Variants in OXR1 observed in about 807,000 individuals in gnomAD.
OXR1 encodes the protein oxidation resistance 1.
OXR1 carries 41 observed loss-of-function variants against 104.6 expected under a neutral mutation model. The ratio of observed to expected loss-of-function variants is 0.39; its 90% CI spans 0.31 to 0.51. OXR1 has a LOEUF of 0.51. Ranked by LOEUF, OXR1 falls within the 20% of genes least tolerant of loss-of-function variation. OXR1 has a pLI of 0.77. For missense variants in OXR1, 955 were observed against 1,031.9 expected (o/e 0.93, Z 1.02); for synonymous variants, 348 against 348.4 (o/e 1.00, Z 0.01).
chr8:106,519,545 C>T (rs1000144066), intron 3 of OXR1, among the ~76,000 whole-genome samples: 39 of 152,150 alleles, frequency 2.6e-4, no homozygotes, highest in Admixed American at 4.6e-4. Context: ...TCCCAGGTCT[C>T]TGAACCTGTT....
At chr8:106,421,980 G>A (rs1818924842) in intron 2 of OXR1, among the ~76,000 whole-genome samples, 2 of 152,108 alleles carry the variant, frequency 1.3e-5, no homozygotes, top group Non-Finnish European at 1.5e-5. Context: ...GGCTAGAGAA[G>A]TTGCATCTTT....
chr8:106,619,928 T>A (rs1248850019), intron 3 of OXR1, among the ~76,000 whole-genome samples: 1 of 152,124 alleles, frequency 6.6e-6, no homozygotes, highest in Non-Finnish European at 1.5e-5. Context: ...TGCTTCTGCC[T>A]CTGTATTCCT....
intron 14 of OXR1, 32 bp downstream of exon 14, chr8:106,740,527 C>A (rs1214195187): frequency 1.9e-6 from 3 of 1,554,414 alleles, no homozygotes; most frequent in Non-Finnish European, 2.6e-6. Context: ...GATTGCTTAT[C>A]CTTTAAGAGC....
At chr8:106,298,840 C>T (rs1157931299) in intron 1 of OXR1, among the ~76,000 whole-genome samples, 1 of 152,166 alleles carries the variant, frequency 6.6e-6, no homozygotes, top group Non-Finnish European at 1.5e-5. Flanking sequence ...CTTTACTAAT[C>T]TGTCCAGATT....
At chr8:106,509,135 C>G (rs1563570107) in intron 2 of OXR1, among the ~76,000 whole-genome samples, 1 of 152,150 alleles carries the variant, frequency 6.6e-6, no homozygotes, top group African/African-American at 2.4e-5. Context: ...ACAAATCACT[C>G]CATCAAAGGT....
At chr8:106,323,944 C>T (rs1259232681) in intron 1 of OXR1, among the ~76,000 whole-genome samples, 3 of 152,142 alleles carry the variant, frequency 2.0e-5, no homozygotes, top group Admixed American at 1.3e-4. Flanking sequence ...TTGTGGAAAG[C>T]AATATGGTGA....
At chr8:106,573,178 C>T (rs185187297) in intron 3 of OXR1, among the ~76,000 whole-genome samples, 129 of 152,232 alleles carry the variant, frequency 8.5e-4, no homozygotes, top group South Asian at 5.0e-3. Flanking sequence ...CGTCCATCCA[C>T]GTTAGCAAGG....
intron 11 of OXR1, 97 bp from the exon 12 acceptor site, chr8:106,737,423 C>T: frequency 2.4e-6 from 1 of 422,790 alleles, no homozygotes; most frequent in East Asian, 3.5e-5. Flanking sequence ...AGTTCTCTTC[C>T]CATTTTAATT....
At chr8:106,391,013 TTA>T (rs1415482930) in intron 2 of OXR1, among the ~76,000 whole-genome samples, 2 of 152,216 alleles carry the variant, frequency 1.3e-5, no homozygotes, top group African/African-American at 4.8e-5. Context: ...CAACATTTGC[TTA>T]TGTTTGTCAT....
intron 3 of OXR1, among the ~76,000 whole-genome samples, chr8:106,566,999 A>G (rs886201244): frequency 6.6e-6 from 1 of 152,142 alleles, no homozygotes; most frequent in African/African-American, 2.4e-5. Flanking sequence ...CAGCATTAGG[A>G]GAAGTACCTA....
At position 106,527,987 on chromosome 8, in the gene OXR1, C is replaced by A. The variant is rs148653278; in HGVS notation, c.220+8848C>A. 3.3e-5 allele frequency among the ~76,000 whole-genome samples: 5 copies of A among 152,284 alleles called. No homozygotes were observed. In the East Asian group the frequency reaches 9.6e-4, roughly 29 times the overall value. On this transcript the variant is annotated intron_variant, in intron 3 of 16. Coordinates refer to ENST00000517566, the MANE Select transcript of OXR1 (RefSeq NM_001198533.2). Reference sequence around the variant, plus strand: ...GTGGTTCCCCAAGTGCTAGTCTATACCATTGATGGTGAAAACGATGCAATA... The same window carrying A: ...GTGGTTCCCCAAGTGCTAGTCTATAACATTGATGGTGAAAACGATGCAATA...
chr8:106,561,420 C>T (rs1230735047), intron 3 of OXR1, among the ~76,000 whole-genome samples: 1 of 152,170 alleles, frequency 6.6e-6, no homozygotes, highest in Admixed American at 6.5e-5. Flanking sequence ...CAGACTTCCT[C>T]TCTAGATTCC....
intron 2 of OXR1, among the ~76,000 whole-genome samples, chr8:106,370,243 G>T (rs1816647747): frequency 6.6e-6 from 1 of 152,142 alleles, no homozygotes; most frequent in Admixed American, 6.6e-5. Context: ...TTTGCAGATT[G>T]GTTTTGTATC....
At chr8:106,415,331 G>A (rs1464281775) in intron 2 of OXR1, among the ~76,000 whole-genome samples, 2 of 152,074 alleles carry the variant, frequency 1.3e-5, no homozygotes, top group African/African-American at 2.4e-5. Context: ...TTTGCCAAAA[G>A]GGAAGTCATC....
At chr8:106,634,580 A>G (rs1283432592) in intron 3 of OXR1, among the ~76,000 whole-genome samples, 3 of 152,138 alleles carry the variant, frequency 2.0e-5, no homozygotes, top group Non-Finnish European at 4.4e-5. Flanking sequence ...CCTCTTTTTA[A>G]TGCTACAGTT....
intron 3 of OXR1, among the ~76,000 whole-genome samples, chr8:106,677,523 T>C (rs1251841645): frequency 6.6e-6 from 1 of 152,148 alleles, no homozygotes; most frequent in African/African-American, 2.4e-5. Flanking sequence ...CTTTTGAGTT[T>C]TTACCAACCC....
chr8:106,433,816 C>G (rs1819460511), intron 2 of OXR1, among the ~76,000 whole-genome samples: 1 of 152,170 alleles, frequency 6.6e-6, no homozygotes, highest in Non-Finnish European at 1.5e-5. Flanking sequence ...TAGTTACTTA[C>G]AGTTTTTCAC....
At chr8:106,601,599 A>G (rs1453981519) in intron 3 of OXR1, among the ~76,000 whole-genome samples, 4 of 152,048 alleles carry the variant, frequency 2.6e-5, no homozygotes, top group East Asian at 1.9e-4. Context: ...ATATTATCCT[A>G]TTGGATTTGG....
chr8:106,651,646 G>A (rs1824582439), intron 3 of OXR1, among the ~76,000 whole-genome samples: 1 of 152,056 alleles, frequency 6.6e-6, no homozygotes. Context: ...CCAGTACTAC[G>A]GTTTTTGATT....
Sources: allele counts gnomAD v4.1 joint callset (sites outside exome capture counted in the v4.1 genomes callset), GRCh38; gene constraint gnomAD v4.1.1; transcripts MANE v1.5; gene names NCBI Gene and HGNC (gene_info 2026-07-23, HGNC 2026-07-21).